XPO6: variants seen among roughly 807,000 people sequenced by gnomAD.
XPO6 encodes the protein exportin 6, also known as exportin-6.
Under a neutral mutation model 130.0 loss-of-function variants are expected in XPO6, and 3 were observed. The observed-to-expected ratio is 0.02, with a 90% CI of 0.01 to 0.06. The LOEUF is 0.06. Among genes scored for constraint, XPO6 ranks in the 10% least tolerant of loss-of-function variants. The pLI is 1.00. For synonymous variants in XPO6, 524 were observed against 548.9 expected (o/e 0.95, Z 0.63); for missense variants, 970 against 1,393.0 (o/e 0.70, Z 4.83).
At chr16:28,152,146 C>T (rs1257646474) in intron 8 of XPO6, among the ~76,000 whole-genome samples, 1 of 151,966 alleles carries the variant, frequency 6.6e-6, no homozygotes, top group Non-Finnish European at 1.5e-5. Context: ...TCAATGCAGG[C>T]AAAGACTGCT....
At chr16:28,121,861 T>C (rs2087250336) in intron 13 of XPO6, 99 bp from the exon 14 acceptor site, 2 of 717,490 alleles carry the variant, frequency 2.8e-6, no homozygotes, top group Non-Finnish European at 4.9e-6. Flanking sequence ...AAGGGCAGAC[T>C]TTTTCATATA....
At chr16:28,116,695 C>G (rs1016320245) in intron 15 of XPO6, among the ~76,000 whole-genome samples, 1 of 152,174 alleles carries the variant, frequency 6.6e-6, no homozygotes, top group Non-Finnish European at 1.5e-5. Flanking sequence ...GTGGAGCAGT[C>G]AGAACACACA....
intron 7 of XPO6, chr16:28,153,697 T>C: frequency 1.0e-6 from 1 of 985,418 alleles, no homozygotes; most frequent in Non-Finnish European, 1.2e-6. Context: ...CATACCTTCA[T>C]AAATCACATT....
intron 1 of XPO6, among the ~76,000 whole-genome samples, chr16:28,194,803 C>G (rs958929439): frequency 2.6e-5 from 4 of 151,986 alleles, no homozygotes; most frequent in South Asian, 4.2e-4. Flanking sequence ...ACCTGACCAC[C>G]AGGGGTGATT....
chr16:28,178,864 C>A (rs926152213), intron 2 of XPO6, among the ~76,000 whole-genome samples: 3 of 151,832 alleles, frequency 2.0e-5, no homozygotes, highest in African/African-American at 7.2e-5. Flanking sequence ...GTCAAGAGAT[C>A]GAGACTATCC....
chr16:28,106,081 C>T lies in XPO6; in HGVS notation c.2746G>A (p.Ala916Thr), dbSNP rs374690954. The T allele has an allele frequency of 9.9e-6, 16 of 1,614,170 alleles. No homozygotes were observed. The highest frequency in any genetic ancestry group is 6.7e-5 in the East Asian group (3 of 44,878). ...VFKPFLPSII[A>T]LCMEQVYPII... Reference sequence around the variant, plus strand: ...GGATACACTTGCTCCATGCACAGGGCGATGATGCTGGGGAGGAAGGGCTTG... The same window carrying T: ...GGATACACTTGCTCCATGCACAGGGTGATGATGCTGGGGAGGAAGGGCTTG... The change falls in exon 20 of 24, where the codon GCC becomes ACC. Residue 916 changes from alanine (A) to threonine (T), a missense_variant. This residue lies in a region of XPO6 where 936 missense variants were observed against 1,306.8 expected (regional missense o/e 0.72). Coordinates refer to ENST00000304658, the MANE Select transcript of XPO6 (RefSeq NM_015171.4). This position sits in a 1 kb window ranked among gnomAD's most constrained non-coding sequence, Gnocchi z 4.2.
chr16:28,141,182 T>C (rs1439509130), intron 9 of XPO6, among the ~76,000 whole-genome samples: 1 of 152,192 alleles, frequency 6.6e-6, no homozygotes, highest in Non-Finnish European at 1.5e-5. Flanking sequence ...CTCACATTTG[T>C]TTACAGTCCT....
chr16:28,192,019 G>A (rs1242510617), intron 1 of XPO6, among the ~76,000 whole-genome samples: 2 of 152,122 alleles, frequency 1.3e-5, no homozygotes, highest in Non-Finnish European at 2.9e-5. Context: ...CAGCACTGTG[G>A]GAGGCTGAGG....
chr16:28,156,635 TC>T, intron 6 of XPO6, 108 bp from the exon 7 acceptor site: 1 of 651,234 alleles, frequency 1.5e-6, no homozygotes, highest in Non-Finnish European at 2.3e-6. Context: ...CATATATGTA[TC>T]AGTTTAGTTA....
intron 14 of XPO6, among the ~76,000 whole-genome samples, chr16:28,121,043 A>G (rs1487974034): frequency 6.6e-6 from 1 of 152,264 alleles, no homozygotes; most frequent in Non-Finnish European, 1.5e-5. Context: ...TCTCTGGGAT[A>G]CTGCCCATCT....
At position 28,106,288 on chromosome 16, in the gene XPO6, C is replaced by T; in HGVS notation, c.2613-74G>A. 1 of 1,607,140 alleles carries T rather than the reference C, an allele frequency of 6.2e-7. No individual in the cohort carries two copies. On this transcript the variant is annotated intron_variant, in intron 19 of 23. Coordinates refer to ENST00000304658, the MANE Select transcript of XPO6 (RefSeq NM_015171.4). The surrounding 1 kb of genome is among the most constrained non-coding windows in gnomAD (Gnocchi z 4.2). ...GCCAGCATGAAAACCCATGCTGTGG[C>T]AAGTGCAGAACAGGAGCAAAAAGCC...
At chr16:28,135,462 T>C (rs1319749268) in intron 9 of XPO6, 138 bp from the exon 10 acceptor site, 1 of 674,144 alleles carries the variant, frequency 1.5e-6, no homozygotes, top group African/African-American at 1.8e-5. Context: ...GAGGCTGAGT[T>C]TATGGGTTGG....
In XPO6 at chr16:28,135,209, C is replaced by G. The variant is rs9928335; in HGVS notation, c.1443+7G>C. 37 of 1,611,788 alleles carry G rather than the reference C, an allele frequency of 2.3e-5. No individual in the cohort carries two copies. Among genetic ancestry groups the G allele is most frequent in the Non-Finnish European group, 3.1e-5 (36 of 1,178,342 alleles). ...CGACAAAAAATCAATCAGGGCATGCCGCTTACATCGTCATCCAGAGTCTCA... is the reference window on the plus strand; with the variant it reads ...CGACAAAAAATCAATCAGGGCATGCGGCTTACATCGTCATCCAGAGTCTCA... On this transcript the variant is annotated splice_region_variant and intron_variant, in intron 10 of 23. Transcript: ENST00000304658.
At chr16:28,187,575 T>C (rs1460248636) in intron 1 of XPO6, among the ~76,000 whole-genome samples, 1 of 151,294 alleles carries the variant, frequency 6.6e-6, no homozygotes, top group Non-Finnish European at 1.5e-5. Flanking sequence ...GTAAAATACA[T>C]AGTAAACACA....
intron 4 of XPO6, among the ~76,000 whole-genome samples, chr16:28,173,523 A>C (rs1222374142): frequency 6.6e-6 from 1 of 152,176 alleles, no homozygotes; most frequent in Non-Finnish European, 1.5e-5. Context: ...CAGGAAAATC[A>C]CTTGAGGCCA....
chr16:28,140,997 A>C (rs1338619961), intron 9 of XPO6, among the ~76,000 whole-genome samples: 1 of 152,238 alleles, frequency 6.6e-6, no homozygotes, highest in Non-Finnish European at 1.5e-5. Flanking sequence ...CTAAGACTCT[A>C]TTCACTTGCC....
chr16:28,148,808 G>A (rs992393211), intron 8 of XPO6, among the ~76,000 whole-genome samples: 2 of 152,072 alleles, frequency 1.3e-5, no homozygotes, highest in African/African-American at 4.8e-5. Context: ...TTGGGAGGCT[G>A]AGTCAAGTGG....
intron 6 of XPO6, chr16:28,165,187 A>G (rs2043337693): frequency 6.6e-6 from 1 of 152,242 alleles, no homozygotes; most frequent in Non-Finnish European, 1.5e-5. Flanking sequence ...ACTGCACTCC[A>G]GTCTGGGTGA....
chr16:28,098,649 AG>A lies in XPO6; in HGVS notation c.3277-11del. On this transcript the variant is annotated splice_polypyrimidine_tract_variant and intron_variant, in intron 23 of 23. Coordinates refer to ENST00000304658, the MANE Select transcript of XPO6 (RefSeq NM_015171.4). ...TGAATGAGGGCAGGTCCTGGAAGGC[AG>A]GGGCATAGCTGCAGCCAACAACACA... 6.2e-7 allele frequency: 1 copy of A among 1,604,858 alleles called. No homozygotes were observed. Among genetic ancestry groups the A allele is most frequent in the Non-Finnish European group, 8.5e-7 (1 of 1,173,830 alleles).
Sources: allele counts gnomAD v4.1 joint callset (sites outside exome capture counted in the v4.1 genomes callset), GRCh38; gene constraint gnomAD v4.1.1; regional missense constraint gnomAD v4.1.1; non-coding constraint Gnocchi (gnomAD v3.1); transcripts MANE v1.5; gene names NCBI Gene and HGNC (gene_info 2026-07-23, HGNC 2026-07-21).